PAM: variants seen among roughly 807,000 people sequenced by gnomAD.
PAM encodes the protein peptidyl-glycine alpha-amidating monooxygenase.
In PAM, 72 loss-of-function variants were observed where a neutral mutation model predicts 122.1. The observed-to-expected ratio is 0.59, with a 90% CI of 0.49 to 0.72. PAM has a LOEUF of 0.72. Ranked by LOEUF, PAM falls within the 30% of genes least tolerant of loss-of-function variation. The pLI, the probability that PAM is intolerant of heterozygous loss-of-function variation, is 0.00. For synonymous variants in PAM, 389 were observed against 404.4 expected (o/e 0.96, Z 0.46); for missense variants, 1,106 against 1,183.7 (o/e 0.93, Z 0.96).
In PAM at chr5:102,988,705, GAGAA is replaced by G. The variant is rs779751309; in HGVS notation, c.1484-1557_1484-1554del. 1.6e-3 allele frequency among the ~76,000 whole-genome samples: 130 copies of G among 82,828 alleles called. 1 individual carries two copies. Among genetic ancestry groups the G allele is most frequent in the South Asian group, 9.7e-3 (32 of 3,302 alleles). The allele number at this position is 82,828 out of a possible 152,430, so 54.3% of individuals were successfully genotyped here. On this transcript the variant is annotated intron_variant, in intron 15 of 25. Transcript: ENST00000438793. The stretch of plus-strand genomic sequence containing the variant: ...AAAGAAAGAAGGAAAGAAAGAGAAA[GAGAA>G]AGAAAGAAAAGAAAAAAGGGAAGGA...
chr5:103,009,046 T>C (rs1485313083), intron 20 of PAM, among the ~76,000 whole-genome samples: 1 of 152,176 alleles, frequency 6.6e-6, no homozygotes, highest in East Asian at 1.9e-4. Context: ...TAATTTATTA[T>C]GTTTTAATTC....
chr5:102,795,201 A>G (rs1349315808), intron 1 of PAM, among the ~76,000 whole-genome samples: 1 of 150,572 alleles, frequency 6.6e-6, no homozygotes, highest in Non-Finnish European at 1.5e-5. Flanking sequence ...AAAAAAAAAA[A>G]AAAAAAAAAA....
chr5:102,766,120 A>G (rs1159695806), intron 1 of PAM, among the ~76,000 whole-genome samples: 1 of 152,190 alleles, frequency 6.6e-6, no homozygotes, highest in Non-Finnish European at 1.5e-5. Context: ...AGCAGCCCCT[A>G]ACCTTTTTGG....
At chr5:102,941,730 A>T (rs1160968951) in intron 7 of PAM, among the ~76,000 whole-genome samples, 1 of 151,738 alleles carries the variant, frequency 6.6e-6, no homozygotes, top group Non-Finnish European at 1.5e-5. Context: ...GAACTAATTT[A>T]AAAAAACTTT....
At chr5:102,949,669 G>T in intron 10 of PAM, 52 bp downstream of exon 10, 1 of 921,178 alleles carries the variant, frequency 1.1e-6, no homozygotes, top group Non-Finnish European at 1.8e-6. Context: ...GCTTCCTGGT[G>T]CCATAAATTA....
At chr5:102,768,229 C>T (rs1403575136) in intron 1 of PAM, among the ~76,000 whole-genome samples, 1 of 151,686 alleles carries the variant, frequency 6.6e-6, no homozygotes, top group South Asian at 2.1e-4. Flanking sequence ...TTGTGGATAA[C>T]TAGTAGGTAT....
Position 103,029,135 on chromosome 5 carries a change from T to A in PAM, c.*70T>A. On this transcript the variant is annotated 3_prime_UTR_variant, in exon 26 of 26. Coordinates refer to ENST00000438793, the MANE Select transcript of PAM (RefSeq NM_001177306.2). ...CAGATTCCTTTCCCTTTAGCACGTT[T>A]AAAGTTCTGTGTATTTAATTGTAAA... 7.9e-7 allele frequency: 1 copy of A among 1,268,220 alleles called. No homozygotes were observed. The highest frequency in any genetic ancestry group is 1.1e-6 in the Non-Finnish European group (1 of 905,410). The allele number at this position is 1,268,220 out of a possible 1,614,324, so 78.6% of individuals were successfully genotyped here.
chr5:102,957,467 T>G (rs1401331809), intron 12 of PAM, among the ~76,000 whole-genome samples: 1 of 152,146 alleles, frequency 6.6e-6, no homozygotes, highest in African/African-American at 2.4e-5. Context: ...GTTTAACTTG[T>G]ATAGCCCAAC....
At chr5:102,757,129 C>T (rs1217567794) in intron 1 of PAM, among the ~76,000 whole-genome samples, 1 of 152,098 alleles carries the variant, frequency 6.6e-6, no homozygotes, top group Non-Finnish European at 1.5e-5. Flanking sequence ...AGTTCCGTAC[C>T]AGCCTGGCCG....
intron 1 of PAM, among the ~76,000 whole-genome samples, chr5:102,793,334 G>A (rs258150): frequency 0.3 from 45,825 of 151,282 alleles, 7,400 homozygotes; most frequent in Non-Finnish European, 0.37. Flanking sequence ...GAGCAGTCTG[G>A]GCAACATAGG....
chr5:102,967,037 C>A (rs897260958), intron 14 of PAM, among the ~76,000 whole-genome samples: 1 of 151,718 alleles, frequency 6.6e-6, no homozygotes, highest in Non-Finnish European at 1.5e-5. Flanking sequence ...TTTTAAAAAA[C>A]CTTCATAGGA....
intron 1 of PAM, among the ~76,000 whole-genome samples, chr5:102,833,329 A>G (rs1775970582): frequency 6.6e-6 from 1 of 152,182 alleles, no homozygotes; most frequent in Non-Finnish European, 1.5e-5. Flanking sequence ...ATGATGCTAT[A>G]AACAGTGATT....
At chr5:102,791,671 C>A (rs1762103981) in intron 1 of PAM, among the ~76,000 whole-genome samples, 3 of 151,964 alleles carry the variant, frequency 2.0e-5, no homozygotes. Context: ...AAAACCAAAC[C>A]AAAAAACCTC....
At chr5:102,961,827 G>A (rs1299031776) in intron 14 of PAM, among the ~76,000 whole-genome samples, 1 of 151,954 alleles carries the variant, frequency 6.6e-6, no homozygotes, top group African/African-American at 2.4e-5. Flanking sequence ...TATACTGCAT[G>A]TGCTGGTACT....
At chr5:102,822,388 G>A (rs1561540022) in intron 1 of PAM, among the ~76,000 whole-genome samples, 1 of 152,192 alleles carries the variant, frequency 6.6e-6, no homozygotes, top group South Asian at 2.1e-4. Flanking sequence ...CCACCGACGA[G>A]CACATACACG....
chr5:102,925,077 G>T (rs374960531), intron 6 of PAM, 35 bp downstream of exon 6: 21 of 1,004,106 alleles, frequency 2.1e-5, no homozygotes, highest in African/African-American at 3.2e-5. Context: ...CTTATGTTCA[G>T]CTGCTTAATT....
chr5:102,879,448 G>A (rs997853011), intron 3 of PAM, among the ~76,000 whole-genome samples: 1 of 152,160 alleles, frequency 6.6e-6, no homozygotes, highest in Non-Finnish European at 1.5e-5. Context: ...AATGTTGGAG[G>A]AGGGGCCTGG....
chr5:102,868,240 C>T (rs1786215722), intron 3 of PAM, among the ~76,000 whole-genome samples: 1 of 152,142 alleles, frequency 6.6e-6, no homozygotes, highest in African/African-American at 2.4e-5. Context: ...TTGCAGATAA[C>T]ATTCTATTTT....
At chr5:102,788,246 T>C (rs1561449470) in intron 1 of PAM, among the ~76,000 whole-genome samples, 1 of 152,120 alleles carries the variant, frequency 6.6e-6, no homozygotes, top group East Asian at 1.9e-4. Flanking sequence ...AATAAACATT[T>C]ATGATAAGAA....
Sources: gnomAD v4.1 joint callset for allele counts (sites outside exome capture counted in the v4.1 genomes callset) on GRCh38, gnomAD v4.1.1 for gene constraint, MANE v1.5 for transcripts, NCBI Gene and HGNC (gene_info 2026-07-23, HGNC 2026-07-21) for gene names.